Variants in ASB15 observed in about 807,000 individuals in gnomAD.
ASB15 encodes the protein ankyrin repeat and SOCS box containing 15.
ASB15 carries 54 observed loss-of-function variants against 58.0 expected under a neutral mutation model. The observed-to-expected ratio is 0.93, with a 90% CI of 0.75 to 1.17. The LOEUF is 1.17. Ranked by LOEUF, ASB15 falls within the 50% of genes most tolerant of loss-of-function variation. The pLI is 0.00. For missense variants in ASB15, 680 were observed against 707.4 expected, an observed-to-expected ratio of 0.96 and a Z score of 0.44; for synonymous variants, 249 against 262.4, an observed-to-expected ratio of 0.95 and a Z score of 0.50.
rs1801969557 is a variant in ASB15 at position 123,628,915 on chromosome 7, T to C, written c.921T>C (p.Ser307=). The change falls in exon 10 of 12, where the codon AGT becomes AGC. Residue 307 remains serine, a synonymous_variant. Coordinates refer to ENST00000451215, the MANE Select transcript of ASB15 (RefSeq NM_001290258.2). ...CATCTAAAAATGCAATTCGGAAAAG[T>C]GGGCTAACACCAATTCACTCAGCAG... ...PVTSKNAIRK[S]GLTPIHSAAD... 1.9e-6 allele frequency: 3 copies of C among 1,580,410 alleles called. No individual in the cohort carries two copies. The highest frequency in any genetic ancestry group is 2.6e-6 in the Non-Finnish European group (3 of 1,165,886).
intron 3 of ASB15, among the ~76,000 whole-genome samples, 180 bp downstream of exon 3, chr7:123,608,834 A>C (rs1457779721): frequency 6.6e-6 from 1 of 152,168 alleles, no homozygotes; most frequent in Non-Finnish European, 1.5e-5. Context: ...CACCAAATAA[A>C]AAGCAAAGTT....
intron 1 of ASB15, among the ~76,000 whole-genome samples, chr7:123,567,490 G>A (rs1290801747): frequency 1.3e-5 from 2 of 152,270 alleles, no homozygotes; most frequent in East Asian, 1.9e-4. Flanking sequence ...TTAAGTGTTG[G>A]AAGAGTTAGG....
At chr7:123,591,577 T>C (rs1037642436) in intron 1 of ASB15, among the ~76,000 whole-genome samples, 1 of 152,180 alleles carries the variant, frequency 6.6e-6, no homozygotes. Context: ...TTGTTGTTGG[T>C]TCTGTTTATG....
intron 11 of ASB15, among the ~76,000 whole-genome samples, chr7:123,635,324 T>C (rs903792474): frequency 6.6e-6 from 1 of 152,214 alleles, no homozygotes; most frequent in Non-Finnish European, 1.5e-5. Flanking sequence ...ACATAACTTA[T>C]GAAACTATAC....
At chr7:123,614,219 G>T in intron 3 of ASB15, 1 of 304,082 alleles carries the variant, frequency 3.3e-6, no homozygotes. Context: ...ATTCTTATAA[G>T]CCCAACTGCA....
chr7:123,575,520 A>G (rs1273397926), intron 1 of ASB15, among the ~76,000 whole-genome samples: 4 of 152,052 alleles, frequency 2.6e-5, no homozygotes, highest in Non-Finnish European at 5.9e-5. Context: ...TAACATCAAC[A>G]TTCTGCTCAG....
intron 7 of ASB15, chr7:123,622,771 A>G (rs1177121807): frequency 6.6e-6 from 1 of 152,236 alleles, no homozygotes; most frequent in Admixed American, 6.5e-5. Context: ...AACACCAGCT[A>G]GCATGAGGTA....
At chr7:123,575,704 A>G (rs1358357307) in intron 1 of ASB15, among the ~76,000 whole-genome samples, 1 of 151,660 alleles carries the variant, frequency 6.6e-6, no homozygotes, top group Admixed American at 6.6e-5. Context: ...TTGTTTGCTT[A>G]TATTTTCTTT....
At chr7:123,572,821 A>C (rs1798951055) in intron 1 of ASB15, among the ~76,000 whole-genome samples, 1 of 151,072 alleles carries the variant, frequency 6.6e-6, no homozygotes, top group Non-Finnish European at 1.5e-5. Flanking sequence ...TGAGGTATTT[A>C]TATTTTCCAT....
intron 6 of ASB15, among the ~76,000 whole-genome samples, chr7:123,617,296 G>A (rs1257395788): frequency 6.6e-6 from 1 of 152,130 alleles, no homozygotes; most frequent in Admixed American, 6.5e-5. Context: ...ACAAAGGATT[G>A]AAACATTGTT....
intron 1 of ASB15, among the ~76,000 whole-genome samples, chr7:123,579,682 G>T (rs1324425958): frequency 1.3e-5 from 2 of 152,004 alleles, no homozygotes; most frequent in Non-Finnish European, 2.9e-5. Context: ...CCTGGGAGTT[G>T]AGTTAATTTG....
chr7:123,605,088 G>GA (rs559747892), intron 2 of ASB15, among the ~76,000 whole-genome samples: 1 of 152,006 alleles, frequency 6.6e-6, no homozygotes, highest in African/African-American at 2.4e-5. Context: ...ATTTTGAAGG[G>GA]AAAAAAATTT....
At chr7:123,568,963 G>GA (rs1219963294) in intron 1 of ASB15, among the ~76,000 whole-genome samples, 1 of 152,136 alleles carries the variant, frequency 6.6e-6, no homozygotes, top group African/African-American at 2.4e-5. Context: ...TAAAATGGGG[G>GA]ACAGAAGACA....
intron 1 of ASB15, among the ~76,000 whole-genome samples, chr7:123,584,529 T>C (rs1313553474): frequency 6.6e-6 from 1 of 151,952 alleles, no homozygotes; most frequent in East Asian, 1.9e-4. Context: ...TAGTAGAATC[T>C]ATCTTTTCTC....
intron 1 of ASB15, among the ~76,000 whole-genome samples, chr7:123,602,931 G>A (rs1387277278): frequency 6.6e-6 from 1 of 152,150 alleles, no homozygotes; most frequent in Non-Finnish European, 1.5e-5. Context: ...GCTTAGGTAA[G>A]TTACCTAATG....
chr7:123,589,144 G>C (rs902330530), intron 1 of ASB15, among the ~76,000 whole-genome samples: 2 of 151,624 alleles, frequency 1.3e-5, no homozygotes, highest in Non-Finnish European at 2.9e-5. Context: ...GTAGAGTATT[G>C]AAGTCCCCTA....
At chr7:123,576,412 A>C (rs1335587174) in intron 1 of ASB15, among the ~76,000 whole-genome samples, 2 of 151,972 alleles carry the variant, frequency 1.3e-5, no homozygotes, top group Non-Finnish European at 2.9e-5. Context: ...AACATTTTCC[A>C]TGTGTGTGTG....
Position 123,627,140 on chromosome 7 carries a change from G to A in ASB15, c.728G>A (p.Gly243Glu), listed in dbSNP as rs752600583. 6.2e-7 allele frequency: 1 copy of A among 1,613,736 alleles called. No individual in the cohort carries two copies. Among genetic ancestry groups the A allele is most frequent in the Non-Finnish European group, 8.5e-7 (1 of 1,179,804 alleles). Residue 243 changes from glycine to glutamate, a missense_variant, in exon 9 of 12, where the codon GGG becomes GAG. Transcript: ENST00000451215. ...GATGTGCTTGCTTTGGCGGATGATG[G>A]GGCGTCGGTGCTGTTTGAGGCAGCA... Reference protein sequence around the residue: ...GGDVLALADDGASVLFEAAGG... With the variant: ...GGDVLALADDEASVLFEAAGG...
intron 1 of ASB15, among the ~76,000 whole-genome samples, chr7:123,588,743 C>T (rs1414037987): frequency 4.0e-5 from 6 of 151,556 alleles, no homozygotes; most frequent in Non-Finnish European, 5.9e-5. Context: ...GCTTTTGCTA[C>T]ATCTTGCGAG....
Sources: gnomAD v4.1 joint callset for allele counts (sites outside exome capture counted in the v4.1 genomes callset) on GRCh38, gnomAD v4.1.1 for gene constraint, MANE v1.5 for transcripts, NCBI Gene and HGNC (gene_info 2026-07-23, HGNC 2026-07-21) for gene names.